Variants in ZFP1 observed in about 807,000 individuals in gnomAD.
ZFP1 encodes zinc finger protein 1 homolog.
In ZFP1, 32 loss-of-function variants were observed where a neutral mutation model predicts 38.5. The ratio of observed to expected loss-of-function variants is 0.83; its 90% CI spans 0.63 to 1.12. ZFP1 has a LOEUF of 1.12. Ranked by LOEUF, ZFP1 falls within the 50% of genes most tolerant of loss-of-function variation. The pLI, the probability that ZFP1 is intolerant of heterozygous loss-of-function variation, is 0.00. For synonymous variants in ZFP1, 245 were observed against 168.8 expected (o/e 1.45, Z -3.50); for missense variants, 616 against 480.8 (o/e 1.28, Z -2.63).
At chr16:75,121,317 G>A in the ZFP1 span, among the ~76,000 whole-genome samples, 2 of 151,112 alleles carry the variant, frequency 1.3e-5, no homozygotes, top group Non-Finnish European at 1.5e-5. Flanking sequence ...AATAGAGACG[G>A]GGTTTCGCCG....
chr16:75,159,877 C>T (rs759686306), intron 2 of ZFP1, among the ~76,000 whole-genome samples: 4 of 152,158 alleles, frequency 2.6e-5, no homozygotes, highest in Non-Finnish European at 5.9e-5. Context: ...GTGGGTGTAT[C>T]GGTTTGGTCA....
In ZFP1 at chr16:75,170,380, C is replaced by G. The variant is rs2038361246; in HGVS notation, c.*46C>G. ...GTGGAAAACTCCTGCCAGAACTCTT[C>G]AAGCGGGTGAAAAACCTCATGACAG... On this transcript the variant is annotated 3_prime_UTR_variant, in exon 4 of 4. Coordinates refer to ENST00000570010, the MANE Select transcript of ZFP1 (RefSeq NM_153688.4). 3 of 1,511,486 alleles carry G rather than the reference C, an allele frequency of 2.0e-6. No individual in the cohort carries two copies. Among genetic ancestry groups the G allele is most frequent in the Admixed American group, 4.5e-5 (2 of 44,658 alleles). The allele number at this position is 1,511,486 out of a possible 1,614,324, so 93.6% of individuals were successfully genotyped here. A position where few individuals can be genotyped will look rare whatever the true frequency, so the allele number is the denominator to read the frequency against.
chr16:75,168,726 T>C (rs966890684), intron 3 of ZFP1, among the ~76,000 whole-genome samples: 13 of 152,190 alleles, frequency 8.5e-5, no homozygotes, highest in African/African-American at 2.7e-4. Context: ...GGAAATCATT[T>C]TGGTAAAGAT....
chr16:75,137,668 G>A, the ZFP1 span, among the ~76,000 whole-genome samples: 3 of 151,700 alleles, frequency 2.0e-5, no homozygotes, highest in Non-Finnish European at 4.4e-5. Context: ...GGGTTTCACC[G>A]TGTTAGCCAG....
At chr16:75,157,290 G>C (rs1396009256) in intron 2 of ZFP1, 6 of 146,214 alleles carry the variant, frequency 4.1e-5, no homozygotes, top group Non-Finnish European at 7.4e-5. Context: ...TGTCTCCCAG[G>C]CTGGGGTGCA....
intron 1 of ZFP1, 70 bp from the exon 2 acceptor site, chr16:75,152,839 A>T: frequency 6.9e-7 from 1 of 1,442,956 alleles, no homozygotes; most frequent in Non-Finnish European, 9.5e-7. Flanking sequence ...GTTTCTAAAC[A>T]AGTCATTCTA....
At chr16:75,127,455 G>A in the ZFP1 span, among the ~76,000 whole-genome samples, 37 of 152,260 alleles carry the variant, frequency 2.4e-4, 1 homozygote, top group African/African-American at 8.2e-4. Context: ...CAAGTAGCTG[G>A]GACTGCAGGC....
chr16:75,165,251 C>T (rs1172494437), intron 2 of ZFP1, among the ~76,000 whole-genome samples: 1 of 152,320 alleles, frequency 6.6e-6, no homozygotes, highest in Non-Finnish European at 1.5e-5. Context: ...TAGTTACTTA[C>T]TTGACCCTTT....
At chr16:75,124,326 T>C in the ZFP1 span, among the ~76,000 whole-genome samples, 56,851 of 149,494 alleles carry the variant, frequency 0.38, 12,118 homozygotes, top group Middle Eastern at 0.53. Context: ...TCCTGGCTAA[T>C]TCTGATATTT....
the ZFP1 span, among the ~76,000 whole-genome samples, chr16:75,143,094 C>G: frequency 2.0e-5 from 3 of 152,072 alleles, no homozygotes; most frequent in Non-Finnish European, 4.4e-5. Context: ...TTAGGAAAAT[C>G]CAGACCATAT....
the ZFP1 span, among the ~76,000 whole-genome samples, chr16:75,122,667 A>T: frequency 6.6e-6 from 1 of 152,252 alleles, no homozygotes; most frequent in Non-Finnish European, 1.5e-5. Context: ...ATTTAGTAAG[A>T]TTACCATAAC....
At chr16:75,169,209 G>C in intron 3 of ZFP1, 44 bp from the exon 4 acceptor site, 1 of 1,552,164 alleles carries the variant, frequency 6.4e-7, no homozygotes, top group Non-Finnish European at 8.7e-7. Flanking sequence ...ACATTATAGC[G>C]GAGGCATTGA....
chr16:75,168,021 A>G (rs1247215708), intron 3 of ZFP1, among the ~76,000 whole-genome samples: 2 of 152,094 alleles, frequency 1.3e-5, no homozygotes, highest in Non-Finnish European at 2.9e-5. Flanking sequence ...AGATCACACC[A>G]TTATACTCCA....
intron 1 of ZFP1, among the ~76,000 whole-genome samples, chr16:75,151,308 T>G (rs1263184090): frequency 6.6e-6 from 1 of 152,210 alleles, no homozygotes; most frequent in Non-Finnish European, 1.5e-5. Context: ...TTTATATAAT[T>G]TGACCTCTGT....
chr16:75,161,580 G>T (rs926230919), intron 2 of ZFP1, among the ~76,000 whole-genome samples: 4 of 150,564 alleles, frequency 2.7e-5, no homozygotes, highest in African/African-American at 9.8e-5. Flanking sequence ...TAGTCAAGAG[G>T]TCTGAAGGCT....
intron 2 of ZFP1, among the ~76,000 whole-genome samples, chr16:75,159,041 C>T (rs2037612673): frequency 1.3e-5 from 2 of 151,740 alleles, no homozygotes; most frequent in African/African-American, 4.8e-5. Flanking sequence ...GGACTACAGG[C>T]ACATGTCATT....
the ZFP1 span, among the ~76,000 whole-genome samples, chr16:75,138,112 C>T: frequency 1.4e-5 from 2 of 141,370 alleles, no homozygotes; most frequent in African/African-American, 5.6e-5. Flanking sequence ...TCTTGGCTCA[C>T]TGCAACCTCC....
upstream of ZFP1, chr16:75,144,346 A>G (rs1040431633): frequency 6.6e-5 from 10 of 152,136 alleles, no homozygotes; most frequent in Admixed American, 4.6e-4. Flanking sequence ...TTCATTTCTC[A>G]ATGAAATAAC....
At chr16:75,120,636 C>G in the ZFP1 span, among the ~76,000 whole-genome samples, 1 of 151,416 alleles carries the variant, frequency 6.6e-6, no homozygotes, top group Non-Finnish European at 1.5e-5. Flanking sequence ...GAGTTTCACT[C>G]TGTCGCCCAG....
Sources: allele counts gnomAD v4.1 joint callset (sites outside exome capture counted in the v4.1 genomes callset), GRCh38; gene constraint gnomAD v4.1.1; transcripts MANE v1.5; gene names NCBI Gene and HGNC (gene_info 2026-07-23, HGNC 2026-07-21).